KDM4C: variants seen among roughly 807,000 people sequenced by gnomAD.
The protein encoded by KDM4C is lysine demethylase 4C.
In KDM4C, 81 loss-of-function variants were observed where a neutral mutation model predicts 129.3. The ratio of observed to expected loss-of-function variants is 0.63; its 90% CI spans 0.52 to 0.75. The LOEUF is 0.75. Ranked by LOEUF, KDM4C falls within the 30% of genes least tolerant of loss-of-function variation. The pLI is 0.00. For missense variants in KDM4C, 1,457 were observed against 1,304.0 expected (o/e 1.12, Z -1.81); for synonymous variants, 573 against 456.1 (o/e 1.26, Z -3.26).
intron 5 of KDM4C, among the ~76,000 whole-genome samples, chr9:6,877,118 G>A (rs1238374645): frequency 6.6e-6 from 1 of 152,128 alleles, no homozygotes; most frequent in East Asian, 1.9e-4. Context: ...ATTCTCCCAG[G>A]TGCCAGTTAT....
At chr9:6,721,271 C>T (rs902467062) in intron 1 of KDM4C, 104 of 75,040 alleles carry the variant, frequency 1.4e-3, no homozygotes, top group Middle Eastern at 0.013. Context: ...TTTAAATTAA[C>T]TTTTTTTTTT....
chr9:6,851,401 C>G (rs181682232), intron 5 of KDM4C, among the ~76,000 whole-genome samples: 1 of 152,262 alleles, frequency 6.6e-6, no homozygotes, highest in Non-Finnish European at 1.5e-5. Flanking sequence ...CAGAACTTAG[C>G]TTGGAGAGAC....
intron 4 of KDM4C, among the ~76,000 whole-genome samples, chr9:6,822,092 G>A (rs1483520976): frequency 6.6e-6 from 1 of 152,162 alleles, no homozygotes; most frequent in Non-Finnish European, 1.5e-5. Flanking sequence ...AAAGGCATGG[G>A]GCGAATCCAG....
chr9:7,023,070 T>G (rs1185096365), intron 15 of KDM4C, among the ~76,000 whole-genome samples: 1 of 152,208 alleles, frequency 6.6e-6, no homozygotes, highest in Non-Finnish European at 1.5e-5. Flanking sequence ...TGAAGATTTC[T>G]GCATCAGTGT....
At chr9:7,105,674 G>A (rs558957964) in intron 18 of KDM4C, among the ~76,000 whole-genome samples, 1 of 152,262 alleles carries the variant, frequency 6.6e-6, no homozygotes, top group Admixed American at 6.5e-5. Context: ...GGTGCTAGAG[G>A]TGTTCATCTG....
chr9:6,933,771 T>A (rs1012903101), intron 8 of KDM4C, among the ~76,000 whole-genome samples: 1 of 152,170 alleles, frequency 6.6e-6, no homozygotes, highest in Non-Finnish European at 1.5e-5. Flanking sequence ...AGGGCAAAGA[T>A]TTTGGTATGG....
chr9:6,927,089 T>TTCTTTCTA (rs147161681), intron 8 of KDM4C, among the ~76,000 whole-genome samples: 9,387 of 145,142 alleles, frequency 0.065, 363 homozygotes, highest in South Asian at 0.11. Context: ...AAAAAAAATT[T>TTCTTTCTA]TCTATCTATC....
chr9:6,926,214 G>A lies in KDM4C; in HGVS notation c.921+32982G>A, dbSNP rs370206926. Reference sequence around the variant, plus strand: ...TCCTTCTTCCAGGAAAACATTTCCTGAGGCTGTAGGACTCAACTGTGAGAG... The same window carrying A: ...TCCTTCTTCCAGGAAAACATTTCCTAAGGCTGTAGGACTCAACTGTGAGAG... On this transcript the variant is annotated intron_variant, in intron 8 of 21. Transcript: ENST00000381309. Among the ~76,000 whole-genome samples, 13 of 140,468 alleles carry A rather than the reference G, an allele frequency of 9.3e-5. No homozygotes were observed. In the South Asian group the frequency reaches 1.1e-3, roughly 12 times the overall value. The allele number at this position is 140,468 out of a possible 152,430, so 92.2% of individuals were successfully genotyped here. A position where few individuals can be genotyped will look rare whatever the true frequency, so the allele number is the denominator to read the frequency against.
chr9:7,079,555 C>T (rs1168369088), intron 17 of KDM4C, among the ~76,000 whole-genome samples: 1 of 152,208 alleles, frequency 6.6e-6, no homozygotes, highest in Non-Finnish European at 1.5e-5. Flanking sequence ...CTCCTGACCT[C>T]AAGTGATCTG....
At chr9:7,010,299 G>A (rs1003385765) in intron 12 of KDM4C, among the ~76,000 whole-genome samples, 3 of 152,120 alleles carry the variant, frequency 2.0e-5, no homozygotes, top group Non-Finnish European at 4.4e-5. Flanking sequence ...GTTTTCCATT[G>A]TAAAAATAAT....
chr9:6,821,086 T>C (rs1252738919), intron 4 of KDM4C, among the ~76,000 whole-genome samples: 2 of 152,230 alleles, frequency 1.3e-5, no homozygotes, highest in Non-Finnish European at 2.9e-5. Flanking sequence ...TTCCATGGTG[T>C]ATATGTGCCA....
intron 18 of KDM4C, among the ~76,000 whole-genome samples, chr9:7,111,203 A>C (rs937918612): frequency 6.6e-6 from 1 of 152,078 alleles, no homozygotes; most frequent in African/African-American, 2.4e-5. Context: ...ATATTAACTT[A>C]TTTAATCTTC....
intron 8 of KDM4C, among the ~76,000 whole-genome samples, chr9:6,903,124 T>C (rs944042046): frequency 1.3e-5 from 2 of 152,210 alleles, no homozygotes; most frequent in African/African-American, 4.8e-5. Flanking sequence ...TTCTATTAAC[T>C]GTTTAAAATT....
At chr9:6,834,848 A>G (rs1835578437) in intron 4 of KDM4C, 4 of 1,373,394 alleles carry the variant, frequency 2.9e-6, no homozygotes, top group South Asian at 1.2e-5. Flanking sequence ...CACCCCAGCC[A>G]TGTACATGGC....
chr9:6,728,546 CAAAA>C (rs1817219155), intron 1 of KDM4C, among the ~76,000 whole-genome samples: 2 of 149,312 alleles, frequency 1.3e-5, no homozygotes, highest in East Asian at 4.0e-4. Context: ...AACAAACAAA[CAAAA>C]AACGAAGTAT....
At chr9:7,170,139 T>C in intron 21 of KDM4C, 1 of 1,367,114 alleles carries the variant, frequency 7.3e-7, no homozygotes, top group South Asian at 1.5e-5. Context: ...TTGACATTTA[T>C]TGGTGCACAA....
At chr9:7,057,086 G>A (rs941470639) in intron 17 of KDM4C, among the ~76,000 whole-genome samples, 2 of 152,188 alleles carry the variant, frequency 1.3e-5, no homozygotes, top group African/African-American at 4.8e-5. Flanking sequence ...TGAGAAGAAG[G>A]GGGTCAGGAA....
chr9:6,734,288 GTTTTTTTTTTTT>G (rs57329090), intron 1 of KDM4C, among the ~76,000 whole-genome samples: 1,363 of 110,322 alleles, frequency 0.012, 27 homozygotes, highest in African/African-American at 0.048. Context: ...CCCATGTTTG[GTTTTTTTTTTTT>G]TTTTTTTTTT....
At chr9:6,916,717 A>C (rs1820380988) in intron 8 of KDM4C, among the ~76,000 whole-genome samples, 1 of 152,210 alleles carries the variant, frequency 6.6e-6, no homozygotes, top group Non-Finnish European at 1.5e-5. Flanking sequence ...TTTTAGCAGG[A>C]TGTTTTATTT....
Sources: gnomAD v4.1 joint callset for allele counts (sites outside exome capture counted in the v4.1 genomes callset) on GRCh38, gnomAD v4.1.1 for gene constraint, MANE v1.5 for transcripts, NCBI Gene and HGNC (gene_info 2026-07-23, HGNC 2026-07-21) for gene names.